VOPP1: variants seen among roughly 807,000 people sequenced by gnomAD.
VOPP1 encodes the protein WW domain binding protein VOPP1.
A neutral mutation model predicts 23.5 loss-of-function variants in VOPP1; 8 were observed. The ratio of observed to expected loss-of-function variants is 0.34; its 90% CI spans 0.20 to 0.61. The LOEUF (loss-of-function observed/expected upper bound fraction) is 0.61, where lower values mean the gene tolerates loss of function less well. Among genes scored for constraint, VOPP1 ranks in the 20% least tolerant of loss-of-function variants. VOPP1 has a pLI of 0.78. For synonymous variants in VOPP1, 83 were observed against 97.3 expected (o/e 0.85, Z 0.86); for missense variants, 174 against 238.1 (o/e 0.73, Z 1.77).
chr7:55,492,005 G>A (rs1013155715), intron 4 of VOPP1, among the ~76,000 whole-genome samples: 7 of 152,104 alleles, frequency 4.6e-5, no homozygotes, highest in Admixed American at 2.0e-4. Context: ...TAAGGAAAAG[G>A]GCAGAGAGCA....
intron 1 of VOPP1, among the ~76,000 whole-genome samples, chr7:55,532,121 T>C (rs1796529719): frequency 6.6e-6 from 1 of 152,250 alleles, no homozygotes; most frequent in Non-Finnish European, 1.5e-5. Flanking sequence ...GTCTAGATTC[T>C]AACTGTAAAG....
intron 1 of VOPP1, among the ~76,000 whole-genome samples, chr7:55,532,029 G>C (rs199868041): frequency 1.3e-5 from 2 of 152,226 alleles, no homozygotes; most frequent in African/African-American, 4.8e-5. Flanking sequence ...TTTTGCATTT[G>C]GGTTGTGTAC....
At chr7:55,439,135 T>C (rs1370691410) in intron 4 of VOPP1, among the ~76,000 whole-genome samples, 1 of 151,968 alleles carries the variant, frequency 6.6e-6, no homozygotes, top group Non-Finnish European at 1.5e-5. Context: ...GTTGTTTGCT[T>C]ATCGATGTTA....
chr7:55,474,885 G>A (rs1449362468), intron 4 of VOPP1, among the ~76,000 whole-genome samples: 1 of 152,248 alleles, frequency 6.6e-6, no homozygotes, highest in Non-Finnish European at 1.5e-5. Context: ...AGGAGGTGGT[G>A]CACCAGGAGC....
rs370866217 is a variant in VOPP1, at chr7:55,504,372, G to A, written c.114-6682C>T. 3.2e-4 allele frequency among the ~76,000 whole-genome samples: 49 copies of A among 152,338 alleles called. No individual in the cohort carries two copies. In the East Asian group the frequency reaches 4.4e-3, roughly 14 times the overall value. ...TCGAATTAGCTACCTATGAGAAATT[G>A]GGCTCTCCAGAGAAACTAAACACAG... On this transcript the variant is annotated intron_variant, in intron 2 of 4. Transcript: ENST00000285279.
chr7:55,518,381 C>G (rs1795609812), intron 2 of VOPP1, among the ~76,000 whole-genome samples: 1 of 152,258 alleles, frequency 6.6e-6, no homozygotes, highest in Non-Finnish European at 1.5e-5. Flanking sequence ...TATGTGAACT[C>G]TGCACGAACA....
chr7:55,514,308 T>C (rs1266433160), intron 2 of VOPP1, among the ~76,000 whole-genome samples: 1 of 152,136 alleles, frequency 6.6e-6, no homozygotes, highest in East Asian at 1.9e-4. Context: ...AGCCAGGGTG[T>C]TGTGGAATAA....
At chr7:55,438,186 C>T (rs368402329) in intron 4 of VOPP1, among the ~76,000 whole-genome samples, 86 of 152,192 alleles carry the variant, frequency 5.7e-4, no homozygotes, top group African/African-American at 1.9e-3. Context: ...TGAGCCACTG[C>T]GCCTGGCCCT....
chr7:55,561,912 G>A, intron 1 of VOPP1: 1 of 702,330 alleles, frequency 1.4e-6, no homozygotes. Flanking sequence ...CAAGTATGGT[G>A]GGAGTTGAAA....
chr7:55,456,930 C>G (rs1405431302), intron 4 of VOPP1, among the ~76,000 whole-genome samples: 1 of 152,030 alleles, frequency 6.6e-6, no homozygotes, highest in Non-Finnish European at 1.5e-5. Context: ...CACATGTACC[C>G]CAGAACTTAA....
intron 4 of VOPP1, among the ~76,000 whole-genome samples, chr7:55,452,554 G>C (rs890815308): frequency 1.3e-5 from 2 of 152,136 alleles, no homozygotes; most frequent in African/African-American, 4.8e-5. Flanking sequence ...GACAGCTATA[G>C]CCTTACAAAA....
chr7:55,525,272 C>T (rs1796106698), intron 1 of VOPP1, among the ~76,000 whole-genome samples: 1 of 152,056 alleles, frequency 6.6e-6, no homozygotes, highest in Admixed American at 6.6e-5. Flanking sequence ...GGGTGGATCA[C>T]GAGTCAGGAG....
At chr7:55,520,929 C>G (rs373286522) in intron 2 of VOPP1, 143 bp downstream of exon 2, 1 of 788,848 alleles carries the variant, frequency 1.3e-6, no homozygotes, top group South Asian at 1.8e-5. Context: ...ACCTGCTCAT[C>G]CCCCAGTGAG....
chr7:55,507,999 A>C (rs928197972), intron 2 of VOPP1, among the ~76,000 whole-genome samples: 5 of 152,208 alleles, frequency 3.3e-5, no homozygotes, highest in Admixed American at 1.3e-4. Context: ...GTATAAACCC[A>C]AACTAGTTGC....
chr7:55,572,261 C>T lies in VOPP1; in HGVS notation c.54+10G>A. The T allele has an allele frequency of 6.6e-7, 1 of 1,522,972 alleles. No homozygotes were observed. The allele number at this position is 1,522,972 out of a possible 1,614,324, so 94.3% of individuals were successfully genotyped here. A position where few individuals can be genotyped will look rare whatever the true frequency, so the allele number is the denominator to read the frequency against. ...CGCGCCTCCGGCAGCACCCGGTCCC[C>T]GGCCCCTACCTCCAAGAGCAGCCCG... On this transcript the variant is annotated intron_variant, in intron 1 of 4. Coordinates refer to ENST00000285279, the MANE Select transcript of VOPP1 (RefSeq NM_030796.5).
At chr7:55,499,867 G>A (rs1794245847) in intron 2 of VOPP1, among the ~76,000 whole-genome samples, 1 of 152,150 alleles carries the variant, frequency 6.6e-6, no homozygotes, top group East Asian at 1.9e-4. Flanking sequence ...CCAGCGCCCT[G>A]CACAAACAGT....
chr7:55,572,170 C>T (rs1394969248), intron 1 of VOPP1, 101 bp downstream of exon 1: 1 of 973,384 alleles, frequency 1.0e-6, no homozygotes, highest in Non-Finnish European at 1.4e-6. Flanking sequence ...ACCGTCTGCG[C>T]TCCCAGGCAA....
chr7:55,489,989 C>G (rs759775636), intron 4 of VOPP1, among the ~76,000 whole-genome samples: 8 of 151,964 alleles, frequency 5.3e-5, no homozygotes, highest in Non-Finnish European at 8.8e-5. Context: ...AGAAGGAGGG[C>G]GTGTGCAGGC....
downstream of VOPP1, among the ~76,000 whole-genome samples, chr7:55,468,295 AAAAGAAAG>A (rs772746397): frequency 6.6e-6 from 1 of 151,816 alleles, no homozygotes; most frequent in Non-Finnish European, 1.5e-5. Flanking sequence ...AAAAGAAAAA[AAAAGAAAG>A]AAAGAAAGAA....
Sources: gnomAD v4.1 joint callset for allele counts (sites outside exome capture counted in the v4.1 genomes callset) on GRCh38, gnomAD v4.1.1 for gene constraint, MANE v1.5 for transcripts, NCBI Gene and HGNC (gene_info 2026-07-23, HGNC 2026-07-21) for gene names.